GRIK1: variants seen among roughly 807,000 people sequenced by gnomAD.
GRIK1 encodes the protein glutamate receptor ionotropic, kainate 1.
In GRIK1, 69 loss-of-function variants were observed where a neutral mutation model predicts 105.7. The observed-to-expected ratio is 0.65, with a 90% CI of 0.54 to 0.80. The LOEUF is 0.80. Ranked by LOEUF, GRIK1 falls within the 30% of genes least tolerant of loss-of-function variation. GRIK1 has a pLI of 0.00. For missense variants in GRIK1, 1,109 were observed against 1,167.3 expected, an observed-to-expected ratio of 0.95 and a Z score of 0.73; for synonymous variants, 438 against 431.3, an observed-to-expected ratio of 1.02 and a Z score of -0.19.
At chr21:29,615,222 C>A (rs146463802) in intron 7 of GRIK1, among the ~76,000 whole-genome samples, 1 of 151,612 alleles carries the variant, frequency 6.6e-6, no homozygotes, top group Admixed American at 6.6e-5. Flanking sequence ...TTGTTGTGTG[C>A]ATTTTCCTCC....
chr21:29,618,063 G>C (rs1441609648), intron 7 of GRIK1, among the ~76,000 whole-genome samples: 2 of 152,118 alleles, frequency 1.3e-5, no homozygotes, highest in East Asian at 1.9e-4. Flanking sequence ...GTGTCACCTT[G>C]ATAATCTCTA....
intron 15 of GRIK1, among the ~76,000 whole-genome samples, chr21:29,557,181 A>G (rs1427726282): frequency 6.6e-6 from 1 of 151,814 alleles, no homozygotes; most frequent in East Asian, 1.9e-4. Flanking sequence ...AATGTGAAGA[A>G]CTCTTGTTAG....
intron 1 of GRIK1, among the ~76,000 whole-genome samples, chr21:29,846,452 G>GAGAGAGAGA (rs1472713302): frequency 2.3e-4 from 26 of 114,440 alleles, no homozygotes; most frequent in East Asian, 7.4e-4. Flanking sequence ...AAGGAAAGAA[G>GAGAGAGAGA]GAAAGAGAGA....
chr21:29,754,877 G>T (rs1422127931), intron 1 of GRIK1, among the ~76,000 whole-genome samples: 3 of 151,976 alleles, frequency 2.0e-5, no homozygotes, highest in Non-Finnish European at 4.4e-5. Context: ...TTTTTTAATG[G>T]CCTGCCCTAT....
intron 1 of GRIK1, among the ~76,000 whole-genome samples, chr21:29,927,426 T>G (rs2071409259): frequency 6.6e-6 from 1 of 150,482 alleles, no homozygotes. Context: ...ATGTTTTATA[T>G]TCAGTATTTT....
chr21:29,669,299 A>G (rs363517), intron 4 of GRIK1, among the ~76,000 whole-genome samples: 59,128 of 152,064 alleles, frequency 0.39, 15,206 homozygotes, highest in African/African-American at 0.73. Context: ...TTAAAAGGTG[A>G]GAAAATATGA....
intron 12 of GRIK1, among the ~76,000 whole-genome samples, chr21:29,584,575 AAATTT>A (rs1440870178): frequency 1.3e-5 from 2 of 152,238 alleles, no homozygotes; most frequent in Non-Finnish European, 2.9e-5. Context: ...ACATCTTTAT[AAATTT>A]AATTCAGTTC....
At chr21:29,746,771 A>T (rs1435254504) in intron 1 of GRIK1, among the ~76,000 whole-genome samples, 1 of 152,244 alleles carries the variant, frequency 6.6e-6, no homozygotes, top group African/African-American at 2.4e-5. Flanking sequence ...AGAATTGCCA[A>T]TTGAAGGGAA....
chr21:29,797,503 G>T (rs1160984906), intron 1 of GRIK1, among the ~76,000 whole-genome samples: 1 of 152,154 alleles, frequency 6.6e-6, no homozygotes, highest in Non-Finnish European at 1.5e-5. Flanking sequence ...GGGAAGCTGT[G>T]TATTATATAT....
intron 1 of GRIK1, among the ~76,000 whole-genome samples, chr21:29,782,145 G>A (rs1279825362): frequency 1.3e-5 from 2 of 148,784 alleles, no homozygotes; most frequent in African/African-American, 5.0e-5. Flanking sequence ...GGAGTGCAGT[G>A]GCGCGATCTC....
chr21:29,675,725 G>A (rs565060311), intron 3 of GRIK1, among the ~76,000 whole-genome samples: 2 of 152,220 alleles, frequency 1.3e-5, no homozygotes, highest in African/African-American at 4.8e-5. Flanking sequence ...GGTAGATGAG[G>A]CATCAATTAC....
At position 29,609,608 on chromosome 21, in the gene GRIK1, A is replaced by G. The variant is rs1043391987; in HGVS notation, c.1099-10671T>C. On this transcript the variant is annotated intron_variant, in intron 7 of 17. Transcript: ENST00000327783. ...CAGTCCAATCTGTTGAGGGTCTAAGAAGAATGAAAGGTGAAGGAAAGAGGA... is the reference window on the plus strand; with the variant it reads ...CAGTCCAATCTGTTGAGGGTCTAAGGAGAATGAAAGGTGAAGGAAAGAGGA... Among the ~76,000 whole-genome samples, 9 of 152,174 alleles carry G rather than the reference A, an allele frequency of 5.9e-5. 1 individual carries two copies. Among genetic ancestry groups the G allele is most frequent in the Admixed American group, 4.6e-4 (7 of 15,274 alleles).
intron 1 of GRIK1, among the ~76,000 whole-genome samples, chr21:29,933,949 G>C (rs2071658723): frequency 1.1e-5 from 1 of 94,056 alleles, no homozygotes; most frequent in Admixed American, 1.1e-4. Flanking sequence ...ACAGAATTGA[G>C]ATCTCCACTA....
At chr21:29,707,430 TCCTCCCTCCCTCCCTCCCTC>T (rs1216023795) in intron 1 of GRIK1, among the ~76,000 whole-genome samples, 14 of 91,068 alleles carry the variant, frequency 1.5e-4, no homozygotes, top group East Asian at 4.4e-4. Flanking sequence ...TTCTTTCCCT[TCCTCCCTCCCTCCCTCCCTC>T]CCTCCCTCCC....
chr21:29,931,531 G>A (rs572058654), intron 1 of GRIK1, among the ~76,000 whole-genome samples: 2 of 152,254 alleles, frequency 1.3e-5, no homozygotes, highest in South Asian at 4.1e-4. Flanking sequence ...CTTCTGCTGA[G>A]CAGATTTGCC....
At chr21:29,604,921 T>C (rs889433323) in intron 7 of GRIK1, among the ~76,000 whole-genome samples, 1 of 152,206 alleles carries the variant, frequency 6.6e-6, no homozygotes. Context: ...ATTGTCCAAA[T>C]TAAATGCACA....
chr21:29,872,238 G>A (rs2069042538), intron 1 of GRIK1, among the ~76,000 whole-genome samples: 1 of 147,416 alleles, frequency 6.8e-6, no homozygotes, highest in Non-Finnish European at 1.5e-5. Flanking sequence ...CTGTCGCCCA[G>A]GCTGGAGTGC....
At chr21:29,646,816 A>T (rs2062630449) in intron 6 of GRIK1, among the ~76,000 whole-genome samples, 1 of 151,832 alleles carries the variant, frequency 6.6e-6, no homozygotes, top group African/African-American at 2.4e-5. Flanking sequence ...GGATTCTGCC[A>T]TGATATTTCA....
chr21:29,739,475 A>C (rs2064873931), intron 1 of GRIK1, among the ~76,000 whole-genome samples: 1 of 152,186 alleles, frequency 6.6e-6, no homozygotes, highest in Non-Finnish European at 1.5e-5. Flanking sequence ...TTTTCCTAAA[A>C]TCCAAAAGGC....
Sources: allele counts gnomAD v4.1 joint callset (sites outside exome capture counted in the v4.1 genomes callset), GRCh38; gene constraint gnomAD v4.1.1; transcripts MANE v1.5; gene names NCBI Gene and HGNC (gene_info 2026-07-23, HGNC 2026-07-21).